The following ZNF440 variants were observed in gnomAD, a reference collection of about 807,000 sequenced individuals.
ZNF440 encodes zinc finger protein 440.
ZNF440 carries 47 observed loss-of-function variants against 49.7 expected under a neutral mutation model. That is an observed-to-expected ratio of 0.95 (90% CI 0.75 to 1.21). The LOEUF (loss-of-function observed/expected upper bound fraction) is 1.21, where lower values mean the gene tolerates loss of function less well. ZNF440 is among the 50% of genes most tolerant of loss of function. The pLI, the probability that ZNF440 is intolerant of heterozygous loss-of-function variation, is 0.00. For synonymous variants in ZNF440, 255 were observed against 237.7 expected (o/e 1.07, Z -0.67); for missense variants, 703 against 715.0 (o/e 0.98, Z 0.19).
chr19:11,821,496 C>G (rs1048101788), intron 1 of ZNF440, among the ~76,000 whole-genome samples: 2 of 152,098 alleles, frequency 1.3e-5, no homozygotes, highest in Non-Finnish European at 2.9e-5. Flanking sequence ...ATTGTGTCAA[C>G]TGTGAAGGGA....
chr19:11,833,797 GA>G lies in ZNF440; in HGVS notation c.*835del. Reference sequence around the variant, plus strand: ...TCAGCCTCGCACCTTCAAATGCATGGAAGGACTCACACTGGAGAAAAACCCT... The same window carrying G: ...TCAGCCTCGCACCTTCAAATGCATGGAGGACTCACACTGGAGAAAAACCCT... On this transcript the variant is annotated 3_prime_UTR_variant, in exon 4 of 4. Transcript: ENST00000304060. 1 of 811,192 alleles carries G rather than the reference GA, an allele frequency of 1.2e-6. No individual in the cohort carries two copies. The highest frequency in any genetic ancestry group is 1.8e-6 in the Non-Finnish European group (1 of 550,810). The allele number at this position is 811,192 out of a possible 1,614,324, so 50.2% of individuals were successfully genotyped here.
chr19:11,825,471 AC>A (rs1292965353), intron 1 of ZNF440, among the ~76,000 whole-genome samples: 13 of 151,884 alleles, frequency 8.6e-5, no homozygotes, highest in Admixed American at 7.9e-4. Flanking sequence ...CTCTTTTGCC[AC>A]CCCTATTTAT....
chr19:11,824,777 G>A (rs184014816), intron 1 of ZNF440, among the ~76,000 whole-genome samples: 3 of 143,936 alleles, frequency 2.1e-5, no homozygotes, highest in Non-Finnish European at 4.5e-5. Flanking sequence ...GCATGATCTC[G>A]GCTCACTGCA....
At position 11,814,493 on chromosome 19, in the gene ZNF440, C is replaced by A. The variant is rs764543893; in HGVS notation, c.3+43C>A. The A allele has an allele frequency of 2.0e-6, 3 of 1,481,534 alleles. No homozygotes were observed. The Admixed American group carries it at 7.0e-5, about 34-fold the overall frequency. 91.8% of individuals were successfully genotyped at this position (1,481,534 alleles called of 1,614,324 possible). ...GGCGTCCGGGCGACTGGGAGAGGGG[C>A]TGGAATCGGCCGGAACCGGCTGAGG... On this transcript the variant is annotated intron_variant, in intron 1 of 3. Coordinates refer to ENST00000304060, the MANE Select transcript of ZNF440 (RefSeq NM_152357.3).
At chr19:11,820,489 A>G (rs1388127635) in intron 1 of ZNF440, among the ~76,000 whole-genome samples, 3 of 152,074 alleles carry the variant, frequency 2.0e-5, no homozygotes, top group African/African-American at 4.8e-5. Flanking sequence ...AAGTGCTGGG[A>G]TTACAGGCGT....
chr19:11,828,255 G>A (rs1243109090), intron 1 of ZNF440, among the ~76,000 whole-genome samples: 3 of 152,080 alleles, frequency 2.0e-5, no homozygotes, highest in Non-Finnish European at 2.9e-5. Context: ...GTGCAGTAGC[G>A]CAATCTCGGC....
intron 1 of ZNF440, among the ~76,000 whole-genome samples, chr19:11,828,129 T>C (rs934208990): frequency 3.3e-5 from 5 of 152,218 alleles, no homozygotes; most frequent in African/African-American, 1.2e-4. Context: ...AATGGAACAC[T>C]AGGCATAAAT....
intron 1 of ZNF440, chr19:11,827,738 A>C: frequency 6.6e-6 from 1 of 152,204 alleles, no homozygotes; most frequent in Non-Finnish European, 1.5e-5. Flanking sequence ...GCATTTGCTA[A>C]TTCAGGTGTT....
At chr19:11,821,737 CT>C (rs1470155707) in intron 1 of ZNF440, among the ~76,000 whole-genome samples, 1 of 152,214 alleles carries the variant, frequency 6.6e-6, no homozygotes, top group Non-Finnish European at 1.5e-5. Context: ...CCTCTGTGGG[CT>C]TGTCCCTTGT....
At chr19:11,825,767 C>A (rs1975855511) in intron 1 of ZNF440, among the ~76,000 whole-genome samples, 1 of 151,660 alleles carries the variant, frequency 6.6e-6, no homozygotes, top group African/African-American at 2.4e-5. Flanking sequence ...CACTTGTGAG[C>A]CACCATGTCC....
intron 1 of ZNF440, among the ~76,000 whole-genome samples, chr19:11,818,715 T>C (rs1359964857): frequency 6.6e-6 from 1 of 152,062 alleles, no homozygotes; most frequent in Non-Finnish European, 1.5e-5. Flanking sequence ...TAATTTTTTA[T>C]TTTTTACAGA....
In ZNF440 at chr19:11,834,750, A is replaced by T. The variant is rs1366018757; in HGVS notation, c.*1786A>T. 1 of 152,232 alleles carries T rather than the reference A, an allele frequency of 6.6e-6. No homozygotes were observed. The highest frequency in any genetic ancestry group is 6.5e-5 in the Admixed American group (1 of 15,282). The allele number at this position is 152,232 out of a possible 1,614,324, so 9.4% of individuals were successfully genotyped here. ...AGGAGCATCGTCTCATATGCCTGGT[A>T]TGTGACACGTGTCTCTCCAACAATA... On this transcript the variant is annotated 3_prime_UTR_variant, in exon 4 of 4. Coordinates refer to ENST00000304060, the MANE Select transcript of ZNF440 (RefSeq NM_152357.3).
At chr19:11,824,001 C>T (rs1388215784) in intron 1 of ZNF440, among the ~76,000 whole-genome samples, 7 of 150,598 alleles carry the variant, frequency 4.6e-5, no homozygotes, top group Admixed American at 1.3e-4. Context: ...ATTCCAGTGT[C>T]GGCAACATGG....
chr19:11,814,515 G>GA (rs1299664864), intron 1 of ZNF440, 65 bp downstream of exon 1: 8 of 1,425,852 alleles, frequency 5.6e-6, no homozygotes, highest in Non-Finnish European at 7.4e-6. Flanking sequence ...GGAACCGGCT[G>GA]AGGCGGGACC....
intron 1 of ZNF440, among the ~76,000 whole-genome samples, chr19:11,819,222 A>G (rs1372598876): frequency 6.6e-6 from 1 of 152,146 alleles, no homozygotes; most frequent in Non-Finnish European, 1.5e-5. Context: ...TCCCTCAGTC[A>G]TTTACAACAT....
At chr19:11,824,429 C>G (rs1975837882) in intron 1 of ZNF440, among the ~76,000 whole-genome samples, 1 of 151,948 alleles carries the variant, frequency 6.6e-6, no homozygotes, top group Non-Finnish European at 1.5e-5. Flanking sequence ...AAGATAACTG[C>G]CTTACTTTTC....
intron 1 of ZNF440, among the ~76,000 whole-genome samples, chr19:11,823,885 C>T (rs1033549670): frequency 1.3e-5 from 2 of 152,052 alleles, no homozygotes; most frequent in Non-Finnish European, 1.5e-5. Context: ...TCACTTGAAC[C>T]TGGGAGTCCA....
intron 1 of ZNF440, among the ~76,000 whole-genome samples, chr19:11,825,812 CTTTTCTT>C (rs1568241286): frequency 2.3e-5 from 3 of 128,360 alleles, no homozygotes; most frequent in Non-Finnish European, 3.2e-5. Flanking sequence ...CTTTTCTTTT[CTTTTCTT>C]TTTTTTTTTT....
intron 1 of ZNF440, among the ~76,000 whole-genome samples, chr19:11,820,020 G>A (rs978665566): frequency 6.6e-5 from 10 of 152,180 alleles, no homozygotes; most frequent in African/African-American, 2.2e-4. Context: ...TCAAGGGCTT[G>A]CAGTGAAATC....
Sources: allele counts gnomAD v4.1 joint callset (sites outside exome capture counted in the v4.1 genomes callset), GRCh38; gene constraint gnomAD v4.1.1; transcripts MANE v1.5; gene names NCBI Gene and HGNC (gene_info 2026-07-23, HGNC 2026-07-21).